Variants in ZNF654 observed in about 807,000 individuals in gnomAD.
The protein encoded by ZNF654 is zinc finger protein 654.
In ZNF654, 19 loss-of-function variants were observed where a neutral mutation model predicts 95.3. The observed-to-expected ratio is 0.20, with a 90% CI of 0.14 to 0.29. The LOEUF is 0.29. ZNF654 is among the 10% of genes least tolerant of loss of function. The pLI is 1.00. For synonymous variants in ZNF654, 413 were observed against 457.9 expected, an observed-to-expected ratio of 0.90 and a Z score of 1.25; for missense variants, 1,046 against 1,341.0, an observed-to-expected ratio of 0.78 and a Z score of 3.44.
rs555321113 is a variant in ZNF654 at position 88,079,761 on chromosome 3, T to C, written c.187-6496T>C. Among the ~76,000 whole-genome samples the C allele has an allele frequency of 3.9e-5, 6 of 152,194 alleles. No individual in the cohort carries two copies. The East Asian group carries it at 9.6e-4, about 24-fold the overall frequency. On this transcript the variant is annotated intron_variant, in intron 1 of 8. Coordinates refer to ENST00000636215, the MANE Select transcript of ZNF654 (RefSeq NM_001350134.2). ...TCCATTTTGAAAAGATTCTGTCTTA[T>C]TACATTTACAGAACCTATCAAATAC...
At chr3:88,094,033 G>C (rs113609658) in intron 2 of ZNF654, among the ~76,000 whole-genome samples, 2 of 151,544 alleles carry the variant, frequency 1.3e-5, no homozygotes. Context: ...TGTGAACTTA[G>C]TCATTTGAGA....
intron 3 of ZNF654, among the ~76,000 whole-genome samples, chr3:88,116,575 CACAT>C (rs999989203): frequency 6.6e-6 from 1 of 150,988 alleles, no homozygotes; most frequent in Non-Finnish European, 1.5e-5. Flanking sequence ...CACACACACA[CACAT>C]GCACATATAT....
chr3:88,085,324 C>T (rs1448477842), intron 1 of ZNF654, among the ~76,000 whole-genome samples: 1 of 152,204 alleles, frequency 6.6e-6, no homozygotes, highest in Non-Finnish European at 1.5e-5. Flanking sequence ...AAAGCAGCCA[C>T]AGACAATACA....
chr3:88,097,878 C>T (rs1427192752), intron 2 of ZNF654, among the ~76,000 whole-genome samples: 1 of 152,088 alleles, frequency 6.6e-6, no homozygotes, highest in Non-Finnish European at 1.5e-5. Flanking sequence ...CAAGAGAAAG[C>T]AGGAAAGATC....
At chr3:88,077,399 T>C (rs1707867924) in intron 1 of ZNF654, among the ~76,000 whole-genome samples, 1 of 150,976 alleles carries the variant, frequency 6.6e-6, no homozygotes, top group Admixed American at 6.6e-5. Flanking sequence ...AGTGGCGCGA[T>C]CTCGGCTCAC....
intron 5 of ZNF654, 109 bp downstream of exon 5, chr3:88,129,120 A>G: frequency 1.3e-6 from 1 of 759,344 alleles, no homozygotes. Context: ...CAGTAATGCC[A>G]AAGATTTAAG....
intron 1 of ZNF654, among the ~76,000 whole-genome samples, chr3:88,062,439 G>C (rs1706937391): frequency 6.6e-6 from 1 of 152,144 alleles, no homozygotes. Context: ...GAAATAACTT[G>C]GTATTATGGA....
intron 2 of ZNF654, among the ~76,000 whole-genome samples, chr3:88,087,566 G>A (rs1284332682): frequency 6.6e-6 from 1 of 152,082 alleles, no homozygotes; most frequent in East Asian, 1.9e-4. Context: ...GTTTTCTGGG[G>A]GACAGAAAGC....
chr3:88,061,372 G>T (rs571674881), intron 1 of ZNF654, among the ~76,000 whole-genome samples: 1 of 152,156 alleles, frequency 6.6e-6, no homozygotes, highest in South Asian at 2.1e-4. Context: ...TTATGACTTC[G>T]CTACCTCCTG....
At chr3:88,086,774 T>G (rs1347170504) in intron 2 of ZNF654, among the ~76,000 whole-genome samples, 2 of 152,070 alleles carry the variant, frequency 1.3e-5, no homozygotes, top group East Asian at 1.9e-4. Context: ...AAATCCTGTT[T>G]GTTTGTTTTG....
At chr3:88,141,596 G>A (rs576478011) in intron 8 of ZNF654, 49 bp from the exon 9 acceptor site, 30 of 1,384,478 alleles carry the variant, frequency 2.2e-5, no homozygotes, top group East Asian at 5.1e-5. Context: ...TTGGAATTCC[G>A]GTCGAATGTC....
chr3:88,141,142 A>G, intron 8 of ZNF654, 94 bp downstream of exon 8: 1 of 1,408,292 alleles, frequency 7.1e-7, no homozygotes, highest in Non-Finnish European at 9.5e-7. Flanking sequence ...AAAAATTGAT[A>G]TTTGTGTAGC....
Position 88,143,406 on chromosome 3 carries a change from TAAAA to T in ZNF654, c.*1759_*1762del, listed in dbSNP as rs891868830. The stretch of plus-strand genomic sequence containing the variant: ...TTAAAATCTTTTCTTTAAGGTCAGC[TAAAA>T]AAAATGTTTCCTGTATTTCTTGATA... On this transcript the variant is annotated 3_prime_UTR_variant, in exon 9 of 9. Transcript: ENST00000636215. The T allele has an allele frequency of 7.2e-5, 11 of 151,888 alleles. No homozygotes were observed. The highest frequency in any genetic ancestry group is 7.2e-4 in the Admixed American group (11 of 15,200). 9.4% of individuals were successfully genotyped at this position (151,888 alleles called of 1,614,324 possible). A position where few individuals can be genotyped will look rare whatever the true frequency, so the allele number is the denominator to read the frequency against.
At position 88,140,353 on chromosome 3, in the gene ZNF654, A is replaced by T. The variant is rs1010566746; in HGVS notation, c.2684A>T (p.Asn895Ile). 6 of 1,613,376 alleles carry T rather than the reference A, an allele frequency of 3.7e-6. No individual in the cohort carries two copies. Among genetic ancestry groups the T allele is most frequent in the Non-Finnish European group, 4.2e-6 (5 of 1,179,574 alleles). The part of the protein sequence containing the change: ...LWDVQTDSNP[N>I]QEKDSSSNEK... ...GATGTTCAGACAGACTCAAATCCTA[A>T]TCAGGAAAAAGACTCATCTAGTAAT... Residue 895 changes from asparagine (N) to isoleucine (I), a missense_variant, in exon 8 of 9, where the codon AAT becomes ATT. By Grantham distance (149) the Asn-to-Ile change is moderately radical. Coordinates refer to ENST00000636215, the MANE Select transcript of ZNF654 (RefSeq NM_001350134.2).
Position 88,086,400 on chromosome 3 carries a change from T to C in ZNF654, c.330T>C (p.Ala110=). Residue 110 remains alanine, a splice_region_variant and synonymous_variant, in exon 2 of 9, where the codon GCT becomes GCC. Transcript: ENST00000636215. ...TACAATATGTTTTGAGTAGCCTTGCTGTGTAAGTACTTTTTACTTCTTATA... is the reference window on the plus strand; with the variant it reads ...TACAATATGTTTTGAGTAGCCTTGCCGTGTAAGTACTTTTTACTTCTTATA... ...EHVQYVLSSL[A]VSFFELLLFF... 1 of 1,523,090 alleles carries C rather than the reference T, an allele frequency of 6.6e-7. No homozygotes were observed. Among genetic ancestry groups the C allele is most frequent in the Non-Finnish European group, 8.8e-7 (1 of 1,139,498 alleles). The allele number at this position is 1,523,090 out of a possible 1,614,324, so 94.3% of individuals were successfully genotyped here. A position where few individuals can be genotyped will look rare whatever the true frequency, so the allele number is the denominator to read the frequency against.
chr3:88,113,053 T>C, intron 2 of ZNF654, 62 bp from the exon 3 acceptor site: 1 of 1,174,698 alleles, frequency 8.5e-7, no homozygotes, highest in South Asian at 1.4e-5. Context: ...TACTGTTTGA[T>C]AATCTTTTAA....
chr3:88,118,360 T>C (rs1705542253), intron 3 of ZNF654, among the ~76,000 whole-genome samples: 1 of 151,952 alleles, frequency 6.6e-6, no homozygotes, highest in African/African-American at 2.4e-5. Flanking sequence ...CTGCGTAATA[T>C]ACCATAGGAG....
chr3:88,106,160 G>C (rs1442251891), intron 2 of ZNF654, among the ~76,000 whole-genome samples: 1 of 152,146 alleles, frequency 6.6e-6, no homozygotes, highest in African/African-American at 2.4e-5. Flanking sequence ...CTCTGTTACA[G>C]CTGTACAATG....
chr3:88,102,817 CTTT>C (rs10701359), intron 2 of ZNF654, among the ~76,000 whole-genome samples: 14 of 106,546 alleles, frequency 1.3e-4, no homozygotes, highest in Non-Finnish European at 2.0e-4. Context: ...CCTCTACTGT[CTTT>C]TTTTTTTTTT....
Sources: gnomAD v4.1 joint callset for allele counts (sites outside exome capture counted in the v4.1 genomes callset) on GRCh38, gnomAD v4.1.1 for gene constraint, MANE v1.5 for transcripts, NCBI Gene and HGNC (gene_info 2026-07-23, HGNC 2026-07-21) for gene names.